Variants in AUTS2 observed in about 807,000 individuals in gnomAD.
AUTS2 encodes the protein activator of transcription and developmental regulator AUTS2, also known as autism susceptibility gene 2 protein.
AUTS2 carries 17 observed loss-of-function variants against 112.4 expected under a neutral mutation model. That is an observed-to-expected ratio of 0.15 (90% CI 0.10 to 0.23). AUTS2 has a LOEUF of 0.23. Ranked by LOEUF, AUTS2 falls within the 10% of genes least tolerant of loss-of-function variation. The probability of loss-of-function intolerance (pLI) is 1.00; values close to 1 mark genes in which losing one functional copy is unlikely to be tolerated. For missense variants in AUTS2, 1,510 were observed against 1,701.6 expected (o/e 0.89, Z 1.98); for synonymous variants, 751 against 702.7 (o/e 1.07, Z -1.09).
chr7:70,167,234 CAAACA>C (rs1297335457), intron 4 of AUTS2, among the ~76,000 whole-genome samples: 2 of 152,028 alleles, frequency 1.3e-5, no homozygotes, highest in Admixed American at 6.6e-5. Flanking sequence ...CAAAAACAAA[CAAACA>C]AAACAAAACA....
At chr7:69,974,344 T>G (rs925887035) in intron 2 of AUTS2, among the ~76,000 whole-genome samples, 1 of 150,508 alleles carries the variant, frequency 6.6e-6, no homozygotes, top group African/African-American at 2.5e-5. Flanking sequence ...TTTGTCAATT[T>G]TATTGATTTT....
intron 1 of AUTS2, among the ~76,000 whole-genome samples, chr7:69,651,779 T>C (rs1042588213): frequency 6.6e-6 from 1 of 152,206 alleles, no homozygotes. Flanking sequence ...AATTAGAATT[T>C]AAGTGTCAAA....
rs564729662 is a variant in AUTS2 at position 70,714,326 on chromosome 7, C to T, written c.742+15706C>T. Among the ~76,000 whole-genome samples, 227 of 152,296 alleles carry T rather than the reference C, an allele frequency of 1.5e-3. 1 individual carries two copies. The highest frequency in any genetic ancestry group is 5.2e-3 in the African/African-American group (215 of 41,574). On this transcript the variant is annotated intron_variant, in intron 6 of 18. Transcript: ENST00000342771. ...GATAGGCTGGATAGGGCGATGTCCA[C>T]CTTTTTTTTCTTTATTGCTGAAATA... is the stretch of plus-strand genomic sequence containing the variant.
intron 4 of AUTS2, among the ~76,000 whole-genome samples, chr7:70,334,818 C>A (rs758607121): frequency 9.9e-5 from 15 of 152,116 alleles, no homozygotes; most frequent in Non-Finnish European, 1.6e-4. Context: ...TAGGAGTACA[C>A]ATAAAATTGA....
intron 1 of AUTS2, among the ~76,000 whole-genome samples, chr7:69,869,778 A>G (rs557136660): frequency 3.3e-5 from 5 of 152,274 alleles, no homozygotes; most frequent in South Asian, 2.1e-4. Flanking sequence ...AAACAACATT[A>G]TTGTCTACTT....
intron 4 of AUTS2, among the ~76,000 whole-genome samples, chr7:70,332,828 G>A (rs1269661997): frequency 6.6e-6 from 1 of 152,084 alleles, no homozygotes; most frequent in Non-Finnish European, 1.5e-5. Flanking sequence ...ATGGATTAAA[G>A]ACTTAAACAT....
intron 1 of AUTS2, among the ~76,000 whole-genome samples, chr7:69,810,860 A>G (rs1790516586): frequency 6.6e-6 from 1 of 152,254 alleles, no homozygotes; most frequent in Non-Finnish European, 1.5e-5. Flanking sequence ...ACTAGAAAAC[A>G]TAACGTGAAA....
intron 2 of AUTS2, among the ~76,000 whole-genome samples, chr7:70,054,582 A>G (rs1801908851): frequency 1.3e-5 from 2 of 152,220 alleles, no homozygotes; most frequent in African/African-American, 4.8e-5. Context: ...CAAACAAAAA[A>G]ATAAATGGGA....
At chr7:69,955,982 C>G (rs1484258420) in intron 2 of AUTS2, among the ~76,000 whole-genome samples, 2 of 152,142 alleles carry the variant, frequency 1.3e-5, no homozygotes, top group African/African-American at 4.8e-5. Context: ...ACAACAACTT[C>G]ATAAGTATCA....
chr7:70,072,870 A>C (rs1443512704), intron 2 of AUTS2, among the ~76,000 whole-genome samples: 1 of 152,204 alleles, frequency 6.6e-6, no homozygotes, highest in East Asian at 1.9e-4. Context: ...AAGAAGAGTA[A>C]GTTCTAATCA....
intron 4 of AUTS2, among the ~76,000 whole-genome samples, chr7:70,318,394 CAA>C (rs1790099262): frequency 6.6e-6 from 1 of 151,936 alleles, no homozygotes; most frequent in African/African-American, 2.4e-5. Flanking sequence ...ACCGACTAGA[CAA>C]GAGGATCCAG....
intron 5 of AUTS2, among the ~76,000 whole-genome samples, chr7:70,472,349 G>C (rs1218914426): frequency 6.8e-6 from 1 of 147,312 alleles, no homozygotes; most frequent in Non-Finnish European, 1.5e-5. Flanking sequence ...TGGGTTTTGG[G>C]GCTTCTGTTT....
intron 1 of AUTS2, among the ~76,000 whole-genome samples, chr7:69,889,454 T>G (rs946566272): frequency 6.6e-6 from 1 of 152,236 alleles, no homozygotes; most frequent in African/African-American, 2.4e-5. Context: ...TGTGCAGTGG[T>G]TCCCATTTTT....
intron 6 of AUTS2, among the ~76,000 whole-genome samples, chr7:70,760,422 C>G (rs1789498591): frequency 6.6e-6 from 1 of 152,214 alleles, no homozygotes; most frequent in South Asian, 2.1e-4. Context: ...TGGGTGAAAC[C>G]CCTCCTCTGT....
chr7:70,037,433 A>C (rs983446695), intron 2 of AUTS2, among the ~76,000 whole-genome samples: 1 of 152,222 alleles, frequency 6.6e-6, no homozygotes, highest in Non-Finnish European at 1.5e-5. Context: ...GATCATGGAT[A>C]TGTTCACTTG....
At chr7:69,953,143 G>C (rs1212112316) in intron 2 of AUTS2, among the ~76,000 whole-genome samples, 2 of 152,132 alleles carry the variant, frequency 1.3e-5, no homozygotes, top group Non-Finnish European at 2.9e-5. Flanking sequence ...TCTGTTAAGA[G>C]ATCTTGTCCT....
At chr7:69,610,979 A>G (rs1401647563) in intron 1 of AUTS2, among the ~76,000 whole-genome samples, 1 of 152,222 alleles carries the variant, frequency 6.6e-6, no homozygotes, top group Non-Finnish European at 1.5e-5. Context: ...ACATCTAATT[A>G]TACCCTATGA....
At chr7:69,936,278 T>C (rs1796405942) in intron 2 of AUTS2, among the ~76,000 whole-genome samples, 1 of 152,206 alleles carries the variant, frequency 6.6e-6, no homozygotes, top group African/African-American at 2.4e-5. Context: ...CTGGCCTGTA[T>C]TGGTCAGTCT....
At chr7:70,154,157 C>G (rs987284835) in intron 4 of AUTS2, among the ~76,000 whole-genome samples, 14 of 152,196 alleles carry the variant, frequency 9.2e-5, no homozygotes, top group Non-Finnish European at 1.3e-4. Context: ...GTCTCTAAAT[C>G]AGATCCTGAC....
Sources: gnomAD v4.1 joint callset for allele counts (sites outside exome capture counted in the v4.1 genomes callset) on GRCh38, gnomAD v4.1.1 for gene constraint, MANE v1.5 for transcripts, NCBI Gene and HGNC (gene_info 2026-07-23, HGNC 2026-07-21) for gene names.